The following KCNJ6 variants were observed in gnomAD, a reference collection of about 807,000 sequenced individuals.
The protein encoded by KCNJ6 is G protein-activated inward rectifier potassium channel 2.
A neutral mutation model predicts 34.2 loss-of-function variants in KCNJ6; 9 were observed. That is an observed-to-expected ratio of 0.26 (90% CI 0.16 to 0.46). KCNJ6 has a LOEUF of 0.46. KCNJ6 is among the 20% of genes least tolerant of loss of function. KCNJ6 has a pLI of 1.00. For synonymous variants in KCNJ6, 196 were observed against 207.1 expected (o/e 0.95, Z 0.46); for missense variants, 236 against 531.3 (o/e 0.44, Z 5.46).
At chr21:37,750,329 C>T (rs186312533) in intron 2 of KCNJ6, among the ~76,000 whole-genome samples, 9 of 152,262 alleles carry the variant, frequency 5.9e-5, no homozygotes, top group African/African-American at 1.7e-4. Flanking sequence ...GGCGATTCCT[C>T]AAAGATCTAG....
At chr21:37,813,136 A>G (rs938516555) in intron 2 of KCNJ6, among the ~76,000 whole-genome samples, 2 of 152,248 alleles carry the variant, frequency 1.3e-5, no homozygotes, top group Admixed American at 6.5e-5. Context: ...TAATCTAAAA[A>G]AGAAATCAAG....
intron 2 of KCNJ6, among the ~76,000 whole-genome samples, chr21:37,803,558 C>T (rs994134120): frequency 1.3e-5 from 2 of 152,094 alleles, no homozygotes; most frequent in South Asian, 2.1e-4. Context: ...AGTATTTCAC[C>T]GTAGGAATTT....
intron 2 of KCNJ6, among the ~76,000 whole-genome samples, chr21:37,778,784 C>T (rs920806301): frequency 1.3e-5 from 2 of 151,878 alleles, no homozygotes; most frequent in African/African-American, 4.8e-5. Flanking sequence ...ACCCTCCCTC[C>T]CCAGCATGTG....
chr21:37,753,828 G>A (rs146277711), intron 2 of KCNJ6, among the ~76,000 whole-genome samples: 14 of 151,778 alleles, frequency 9.2e-5, no homozygotes, highest in African/African-American at 3.1e-4. Flanking sequence ...CAGGGGGCAG[G>A]TCCCAGTCCC....
intron 3 of KCNJ6, among the ~76,000 whole-genome samples, chr21:37,686,339 G>A (rs2054614961): frequency 6.6e-6 from 1 of 152,094 alleles, no homozygotes; most frequent in South Asian, 2.1e-4. Context: ...AGTCCAACTG[G>A]CTGTGAAGGT....
intron 2 of KCNJ6, among the ~76,000 whole-genome samples, chr21:37,809,980 C>T (rs1220726711): frequency 1.3e-5 from 2 of 152,212 alleles, no homozygotes. Context: ...AAATAGGCTT[C>T]CATTGTATTG....
rs397793297 is a variant in KCNJ6, at chr21:37,688,380, TA to T, written c.946+25830del. On this transcript the variant is annotated intron_variant, in intron 3 of 3. Coordinates refer to ENST00000609713, the MANE Select transcript of KCNJ6 (RefSeq NM_002240.5). ...CCGTATTTTAAAAGCATTTTTTTTT[TA>T]AAAAATCTACTACATTCTAGATTCT... Among the ~76,000 whole-genome samples the T allele has an allele frequency of 1.4e-3, 216 of 151,400 alleles. 2 individuals are homozygous for T. Among genetic ancestry groups the T allele is most frequent in the African/African-American group, 4.6e-3 (189 of 41,248 alleles).
chr21:37,802,464 A>G (rs1311807065), intron 2 of KCNJ6, among the ~76,000 whole-genome samples: 1 of 152,194 alleles, frequency 6.6e-6, no homozygotes, highest in Non-Finnish European at 1.5e-5. Context: ...CGGGAGGGAC[A>G]GAAAAGAAAA....
intron 2 of KCNJ6, among the ~76,000 whole-genome samples, chr21:37,805,843 G>A (rs1215284275): frequency 6.6e-6 from 1 of 152,186 alleles, no homozygotes; most frequent in African/African-American, 2.4e-5. Context: ...GGAATGCCAA[G>A]GATCTCTGTC....
At position 37,832,899 on chromosome 21, in the gene KCNJ6, C is replaced by T. The variant is rs372695162; in HGVS notation, c.25+7759G>A. ...AGCTTTCATCAGACAGGTAGGCTGT[C>T]GTTCCAATTCTGTCGCCCCTTTCCA... is the stretch of plus-strand genomic sequence containing the variant. On this transcript the variant is annotated intron_variant, in intron 2 of 3. Transcript: ENST00000609713. 1.5e-4 allele frequency among the ~76,000 whole-genome samples: 23 copies of T among 152,288 alleles called. No homozygotes were observed. The South Asian group carries it at 3.5e-3, about 23-fold the overall frequency.
At chr21:37,791,760 ATT>A (rs538566874) in intron 2 of KCNJ6, among the ~76,000 whole-genome samples, 11 of 149,710 alleles carry the variant, frequency 7.3e-5, no homozygotes, top group African/African-American at 2.4e-4. Context: ...GCAAAGATTG[ATT>A]TTTTTTTTAG....
At position 37,616,616 on chromosome 21, in the gene KCNJ6, T is replaced by TATATATATATATATATATATA. The variant is rs2054269093; in HGVS notation, c.*8542_*8543insTATATATATATATATATATAT. 7.9e-6 allele frequency: 1 copy of TATATATATATATATATATATA among 126,714 alleles called. No individual in the cohort carries two copies. Among genetic ancestry groups the TATATATATATATATATATATA allele is most frequent in the Non-Finnish European group, 1.7e-5 (1 of 60,550 alleles). 7.8% of individuals were successfully genotyped at this position (126,714 alleles called of 1,614,324 possible). A position where few individuals can be genotyped will look rare whatever the true frequency, so the allele number is the denominator to read the frequency against. On this transcript the variant is annotated 3_prime_UTR_variant, in exon 4 of 4. Coordinates refer to ENST00000609713, the MANE Select transcript of KCNJ6 (RefSeq NM_002240.5). ...ATATATATATATATATATATATATA[T>TATATATATATATATATATATA]GGTTAGACTCTGAACATATACGCTC... is the stretch of plus-strand genomic sequence containing the variant.
At chr21:37,700,733 C>T (rs576797836) in intron 3 of KCNJ6, among the ~76,000 whole-genome samples, 2 of 152,162 alleles carry the variant, frequency 1.3e-5, no homozygotes, top group South Asian at 2.1e-4. Context: ...TAGCCAGGGC[C>T]GCCTCATATG....
intron 1 of KCNJ6, among the ~76,000 whole-genome samples, chr21:37,882,313 C>T (rs1338123469): frequency 6.6e-6 from 1 of 152,126 alleles, no homozygotes; most frequent in African/African-American, 2.4e-5. Context: ...ACACAACAGG[C>T]TTGGGTTTCT....
At chr21:37,804,638 A>G (rs948462467) in intron 2 of KCNJ6, among the ~76,000 whole-genome samples, 2 of 152,058 alleles carry the variant, frequency 1.3e-5, no homozygotes, top group Non-Finnish European at 1.5e-5. Context: ...ATGTATTATC[A>G]TTTAGCTCCC....
chr21:37,813,035 G>T, intron 2 of KCNJ6, among the ~76,000 whole-genome samples: 1 of 152,118 alleles, frequency 6.6e-6, no homozygotes, highest in Non-Finnish European at 1.5e-5. Context: ...CCACCAAAAA[G>T]TTATTAGAAT....
intron 3 of KCNJ6, among the ~76,000 whole-genome samples, chr21:37,652,949 C>T (rs949936116): frequency 2.0e-5 from 3 of 152,136 alleles, no homozygotes; most frequent in Non-Finnish European, 4.4e-5. Flanking sequence ...TTGAAATGCT[C>T]TTTGTGGAGC....
At chr21:37,658,553 CT>C (rs2054474685) in intron 3 of KCNJ6, among the ~76,000 whole-genome samples, 2 of 152,184 alleles carry the variant, frequency 1.3e-5, no homozygotes, top group African/African-American at 4.8e-5. Context: ...GAGATTTTTT[CT>C]TTCCTTTTTT....
At chr21:37,706,332 GGT>G (rs1456447408) in intron 3 of KCNJ6, among the ~76,000 whole-genome samples, 1 of 152,168 alleles carries the variant, frequency 6.6e-6, no homozygotes, top group Non-Finnish European at 1.5e-5. Context: ...GGCGATCTGT[GGT>G]AAACTGAAAT....
Sources: gnomAD v4.1 joint callset for allele counts (sites outside exome capture counted in the v4.1 genomes callset) on GRCh38, gnomAD v4.1.1 for gene constraint, MANE v1.5 for transcripts, NCBI Gene and HGNC (gene_info 2026-07-23, HGNC 2026-07-21) for gene names.